Variants in GNA14 observed in about 807,000 individuals in gnomAD.
GNA14 encodes G protein subunit alpha 14, also known as guanine nucleotide-binding protein subunit alpha-14.
GNA14 carries 50 observed loss-of-function variants against 42.0 expected under a neutral mutation model. The observed-to-expected ratio is 1.19, with a 90% CI of 0.95 to 1.51. The LOEUF (loss-of-function observed/expected upper bound fraction) is 1.51. GNA14 is among the 40% of genes most tolerant of loss of function. GNA14 has a pLI of 0.00. For missense variants in GNA14, 473 were observed against 446.2 expected, an observed-to-expected ratio of 1.06 and a Z score of -0.54; for synonymous variants, 173 against 163.1, an observed-to-expected ratio of 1.06 and a Z score of -0.46.
intron 2 of GNA14, among the ~76,000 whole-genome samples, chr9:77,478,536 T>C (rs1345003744): frequency 6.6e-6 from 1 of 152,168 alleles, no homozygotes; most frequent in Non-Finnish European, 1.5e-5. Flanking sequence ...CCTTTGGGTA[T>C]ATACCCAGTA....
intron 1 of GNA14, among the ~76,000 whole-genome samples, chr9:77,540,747 T>A (rs780022698): frequency 3.3e-5 from 5 of 152,134 alleles, no homozygotes; most frequent in Non-Finnish European, 7.4e-5. Context: ...TTTTGAAGTC[T>A]GTTTTACCTG....
chr9:77,587,377 T>C (rs1321496498), intron 1 of GNA14, among the ~76,000 whole-genome samples: 1 of 152,174 alleles, frequency 6.6e-6, no homozygotes, highest in Non-Finnish European at 1.5e-5. Flanking sequence ...CTATTCACAA[T>C]AGCCAAAATG....
intron 2 of GNA14, among the ~76,000 whole-genome samples, chr9:77,491,694 A>G (rs1443205493): frequency 6.6e-6 from 1 of 152,236 alleles, no homozygotes; most frequent in Non-Finnish European, 1.5e-5. Flanking sequence ...AGGGAGAGAC[A>G]GATTGCAATA....
intron 1 of GNA14, among the ~76,000 whole-genome samples, chr9:77,614,392 TG>T (rs910564729): frequency 7.9e-5 from 12 of 152,316 alleles, no homozygotes; most frequent in African/African-American, 2.9e-4. Flanking sequence ...CTCAAGTTTT[TG>T]GGGTATCTGA....
chr9:77,440,049 C>T (rs1835705849), intron 2 of GNA14, among the ~76,000 whole-genome samples: 1 of 152,194 alleles, frequency 6.6e-6, no homozygotes, highest in Non-Finnish European at 1.5e-5. Context: ...AAAAAAATAT[C>T]ACTCTCAAAG....
At chr9:77,424,199 GAC>G in intron 6 of GNA14, 30 bp from the exon 7 acceptor site, 1 of 1,511,580 alleles carries the variant, frequency 6.6e-7, no homozygotes, top group African/African-American at 1.4e-5. Flanking sequence ...CAGGAATAAA[GAC>G]ACAGACTTAA....
intron 1 of GNA14, among the ~76,000 whole-genome samples, chr9:77,601,198 TTTC>T (rs1367222335): frequency 1.6e-4 from 25 of 152,214 alleles, no homozygotes; most frequent in Non-Finnish European, 1.3e-4. Flanking sequence ...GTTTTTTTGT[TTTC>T]TTTTTTCCTT....
chr9:77,560,395 C>A lies in GNA14; in HGVS notation c.125-31142G>T, dbSNP rs998299601. ...CCTCTGCCTCCCAGGCTTAAGTGAT[C>A]CTCCCACCTCAGCCTCCCAGGTAGC... is the stretch of plus-strand genomic sequence containing the variant. On this transcript the variant is annotated intron_variant, in intron 1 of 6. Coordinates refer to ENST00000341700, the MANE Select transcript of GNA14 (RefSeq NM_004297.4). 7.4e-5 allele frequency among the ~76,000 whole-genome samples: 11 copies of A among 148,516 alleles called. No individual in the cohort carries two copies. The East Asian group carries it at 2.1e-3, about 28-fold the overall frequency.
intron 2 of GNA14, among the ~76,000 whole-genome samples, chr9:77,497,656 A>G (rs1382836252): frequency 6.6e-6 from 1 of 151,572 alleles, no homozygotes; most frequent in Non-Finnish European, 1.5e-5. Context: ...CAGGTGTTCA[A>G]TAAATACTGA....
At chr9:77,602,677 C>G (rs1823586166) in intron 1 of GNA14, among the ~76,000 whole-genome samples, 1 of 152,128 alleles carries the variant, frequency 6.6e-6, no homozygotes, top group South Asian at 2.1e-4. Flanking sequence ...TTCCTTTTTT[C>G]TCATTTATTA....
intron 1 of GNA14, among the ~76,000 whole-genome samples, chr9:77,635,519 T>C (rs920074119): frequency 1.3e-5 from 2 of 152,200 alleles, no homozygotes; most frequent in African/African-American, 2.4e-5. Context: ...TTTGACATAG[T>C]ATTTGAATAG....
chr9:77,643,881 G>T (rs942270350), intron 1 of GNA14, among the ~76,000 whole-genome samples: 14 of 152,154 alleles, frequency 9.2e-5, no homozygotes, highest in Admixed American at 6.5e-4. Context: ...ACAGAGTGAT[G>T]ATAGCTGATA....
At chr9:77,593,157 ATG>A (rs1306895915) in intron 1 of GNA14, among the ~76,000 whole-genome samples, 1 of 152,118 alleles carries the variant, frequency 6.6e-6, no homozygotes, top group Non-Finnish European at 1.5e-5. Context: ...CTAATAAGAG[ATG>A]TGTTATAACT....
At chr9:77,464,192 G>T (rs1408395091) in intron 2 of GNA14, among the ~76,000 whole-genome samples, 2 of 152,056 alleles carry the variant, frequency 1.3e-5, no homozygotes, top group Admixed American at 6.6e-5. Flanking sequence ...GTAGAGATGG[G>T]GTCTTGCCAT....
chr9:77,604,813 G>A (rs950989289), intron 1 of GNA14, among the ~76,000 whole-genome samples: 3 of 152,202 alleles, frequency 2.0e-5, no homozygotes, highest in East Asian at 1.9e-4. Flanking sequence ...CGTAAACCCC[G>A]AAGATGCTAC....
At chr9:77,498,638 A>T (rs75177105) in intron 2 of GNA14, among the ~76,000 whole-genome samples, 3,946 of 152,146 alleles carry the variant, frequency 0.026, 170 homozygotes, top group African/African-American at 0.089. Flanking sequence ...CTTAGACAAG[A>T]TTTTCATTAG....
intron 2 of GNA14, among the ~76,000 whole-genome samples, chr9:77,520,901 A>G (rs1837346712): frequency 1.3e-5 from 2 of 152,200 alleles, no homozygotes; most frequent in African/African-American, 4.8e-5. Flanking sequence ...AATCAATGTT[A>G]TTACTCATCA....
intron 2 of GNA14, among the ~76,000 whole-genome samples, chr9:77,463,339 A>T (rs1471604512): frequency 1.3e-5 from 2 of 152,338 alleles, no homozygotes; most frequent in East Asian, 3.9e-4. Flanking sequence ...TACTCAAGAC[A>T]GCCAAGAACC....
intron 1 of GNA14, among the ~76,000 whole-genome samples, chr9:77,638,756 TG>T (rs1346223705): frequency 1.3e-5 from 2 of 152,110 alleles, no homozygotes; most frequent in Non-Finnish European, 1.5e-5. Context: ...AGGGCAAATG[TG>T]GGAGATGGGA....
Sources: gnomAD v4.1 joint callset for allele counts (sites outside exome capture counted in the v4.1 genomes callset) on GRCh38, gnomAD v4.1.1 for gene constraint, MANE v1.5 for transcripts, NCBI Gene and HGNC (gene_info 2026-07-23, HGNC 2026-07-21) for gene names.